Variants in ATP13A4 observed in about 807,000 individuals in gnomAD.
ATP13A4 encodes the protein ATPase 13A4, also known as probable cation-transporting ATPase 13A4.
Under a neutral mutation model 142.5 loss-of-function variants are expected in ATP13A4, and 114 were observed. The observed-to-expected ratio is 0.80, with a 90% CI of 0.69 to 0.93. The LOEUF is 0.93. Ranked by LOEUF, ATP13A4 falls within the 40% of genes least tolerant of loss-of-function variation. The pLI, the probability that ATP13A4 is intolerant of heterozygous loss-of-function variation, is 0.00. For missense variants in ATP13A4, 1,392 were observed against 1,454.0 expected (o/e 0.96, Z 0.69); for synonymous variants, 488 against 514.8 (o/e 0.95, Z 0.70).
chr3:193,547,006 G>A (rs151060486), intron 1 of ATP13A4, among the ~76,000 whole-genome samples: 75 of 152,270 alleles, frequency 4.9e-4, no homozygotes, highest in African/African-American at 1.8e-3. Flanking sequence ...TTCCTTTGGG[G>A]ATTAAATGGC....
At chr3:193,476,460 C>A (rs1391865334) in intron 8 of ATP13A4, among the ~76,000 whole-genome samples, 2 of 152,126 alleles carry the variant, frequency 1.3e-5, no homozygotes, top group Non-Finnish European at 2.9e-5. Context: ...ACCACTACAA[C>A]TTTCTCCGCA....
intron 1 of ATP13A4, among the ~76,000 whole-genome samples, chr3:193,518,007 C>T (rs1390205385): frequency 1.3e-5 from 2 of 152,172 alleles, no homozygotes; most frequent in Non-Finnish European, 2.9e-5. Context: ...AAGGAATGAC[C>T]TACAGTCTCA....
chr3:193,507,784 C>A (rs1003891879), intron 2 of ATP13A4, among the ~76,000 whole-genome samples: 1 of 152,022 alleles, frequency 6.6e-6, no homozygotes, highest in Non-Finnish European at 1.5e-5. Context: ...GCCTGCATGC[C>A]AAGCAGTCTT....
At chr3:193,563,199 C>T (rs1025007501) in intron 2 of ATP13A4, among the ~76,000 whole-genome samples, 1 of 152,060 alleles carries the variant, frequency 6.6e-6, no homozygotes, top group Admixed American at 6.5e-5. Context: ...TTATATTAAT[C>T]TTTCTTGTTT....
At position 193,502,368 on chromosome 3, in the gene ATP13A4, T is replaced by C; in HGVS notation, c.381+125A>G. On this transcript the variant is annotated intron_variant, in intron 3 of 29. Transcript: ENST00000342695. ...AGATTTGGACTGTCTGGCTCCAAAG[T>C]TCACATTTTAAATATACACTATCAA... 4 of 1,211,722 alleles carry C rather than the reference T, an allele frequency of 3.3e-6. No homozygotes were observed. The South Asian group carries it at 5.0e-5, about 15-fold the overall frequency. 75.1% of individuals were successfully genotyped at this position (1,211,722 alleles called of 1,614,324 possible).
chr3:193,591,320 G>A (rs1724766616), intron 1 of ATP13A4, among the ~76,000 whole-genome samples: 2 of 152,132 alleles, frequency 1.3e-5, no homozygotes, highest in Non-Finnish European at 1.5e-5. Context: ...GGCATAAGCC[G>A]CCATGCCCAG....
intron 3 of ATP13A4, 84 bp from the exon 4 acceptor site, chr3:193,493,244 T>C (rs942231641): frequency 1.7e-6 from 2 of 1,182,706 alleles, no homozygotes; most frequent in Admixed American, 3.8e-5. Flanking sequence ...AGCATTTGTT[T>C]GAAAAGCAAA....
chr3:193,555,969 A>G (rs281814), upstream of ATP13A4, among the ~76,000 whole-genome samples: 105,398 of 152,048 alleles, frequency 0.69, 36,700 homozygotes, highest in East Asian at 0.71. Context: ...TACATTGTAC[A>G]GCACTGATCA....
At chr3:193,489,674 T>G (rs1237991624) in intron 7 of ATP13A4, 56 bp downstream of exon 7, 15 of 1,556,438 alleles carry the variant, frequency 9.6e-6, no homozygotes, top group Non-Finnish European at 1.3e-5. Flanking sequence ...AACAAATTTT[T>G]AATAAAGTCA....
Position 193,440,560 on chromosome 3 carries a change from C to T in ATP13A4, c.2517G>A (p.Leu839=). 1 of 1,613,952 alleles carries T rather than the reference C, an allele frequency of 6.2e-7. No individual in the cohort carries two copies. Among genetic ancestry groups the T allele is most frequent in the Non-Finnish European group, 8.5e-7 (1 of 1,179,838 alleles). ...ACCTGCACTGGCAAAGAACCTACTCCAGTTTCTGAAATTCTTCCACCAGAC... is the reference window on the plus strand; with the variant it reads ...ACCTGCACTGGCAAAGAACCTACTCTAGTTTCTGAAATTCTTCCACCAGAC... ...KSSLVEEFQK[L]DYFVGMCGDG... Residue 839 remains leucine (L), a splice_region_variant and synonymous_variant, in exon 21 of 30, where the codon CTG becomes CTA. Coordinates refer to ENST00000342695, the MANE Select transcript of ATP13A4 (RefSeq NM_032279.4).
intron 1 of ATP13A4, among the ~76,000 whole-genome samples, chr3:193,548,899 A>G (rs936575628): frequency 1.3e-5 from 2 of 152,224 alleles, no homozygotes; most frequent in Non-Finnish European, 2.9e-5. Context: ...GTTACCCACT[A>G]CTGGTTGGTA....
At chr3:193,502,414 G>A (rs1720600294) in intron 3 of ATP13A4, 79 bp downstream of exon 3, 3 of 1,490,076 alleles carry the variant, frequency 2.0e-6, no homozygotes, top group Non-Finnish European at 2.8e-6. Context: ...GCACAGTAGA[G>A]GAGCTACATT....
intron 1 of ATP13A4, among the ~76,000 whole-genome samples, chr3:193,538,257 C>G (rs1464836453): frequency 6.6e-6 from 1 of 152,108 alleles, no homozygotes; most frequent in Admixed American, 6.5e-5. Flanking sequence ...GCCTAAGGAT[C>G]CATTGGCTCT....
intron 29 of ATP13A4, among the ~76,000 whole-genome samples, chr3:193,406,688 A>G (rs1714513620): frequency 1.3e-5 from 2 of 152,222 alleles, no homozygotes; most frequent in African/African-American, 4.8e-5. Flanking sequence ...GCTCACTATG[A>G]ATGTTATTTC....
rs115225841 is a variant in ATP13A4, at chr3:193,591,763, A to G, written n.91+1258T>C. The stretch of plus-strand genomic sequence containing the variant: ...ATGGTGGTTAGTTTCTCCTTTTTTT[A>G]TGGTTAAAGTCTTTTATCCCTAATT... On this transcript the variant is annotated intron_variant and non_coding_transcript_variant, in intron 1 of 3. Coordinates refer to the ATP13A4 transcript ENST00000489140. Among the ~76,000 whole-genome samples the G allele has an allele frequency of 5.8e-3, 877 of 152,170 alleles. 11 individuals carry two copies. Among genetic ancestry groups the G allele is most frequent in the African/African-American group, 0.02 (825 of 41,546 alleles).
chr3:193,447,031 G>GGC (rs1716995703), intron 18 of ATP13A4, among the ~76,000 whole-genome samples: 1 of 152,052 alleles, frequency 6.6e-6, no homozygotes, highest in Admixed American at 6.6e-5. Flanking sequence ...TCCATCCAAG[G>GGC]ACAATACTTC....
intron 25 of ATP13A4, among the ~76,000 whole-genome samples, chr3:193,427,620 C>T (rs1294643977): frequency 6.6e-6 from 1 of 152,150 alleles, no homozygotes; most frequent in African/African-American, 2.4e-5. Flanking sequence ...GAACAGAACC[C>T]TCAGAAAGAA....
chr3:193,516,649 C>T lies in ATP13A4; in HGVS notation c.61-1778G>A, dbSNP rs149100833. On this transcript the variant is annotated intron_variant, in intron 1 of 29. Coordinates refer to ENST00000342695, the MANE Select transcript of ATP13A4 (RefSeq NM_032279.4). ...TTTGGCATAGATCAATTTGTACCTT[C>T]CGACTCAGCCATTTTTTCATCTTTT... 3.1e-3 allele frequency among the ~76,000 whole-genome samples: 473 copies of T among 152,274 alleles called. 1 individual carries two copies. Among genetic ancestry groups the T allele is most frequent in the African/African-American group, 0.011 (460 of 41,560 alleles).
At chr3:193,546,103 A>C (rs1469515843) in intron 1 of ATP13A4, among the ~76,000 whole-genome samples, 1 of 151,696 alleles carries the variant, frequency 6.6e-6, no homozygotes, top group East Asian at 1.9e-4. Context: ...AACTGGCCCA[A>C]TTGTCTCATA....
Sources: gnomAD v4.1 joint callset for allele counts (sites outside exome capture counted in the v4.1 genomes callset) on GRCh38, gnomAD v4.1.1 for gene constraint, MANE v1.5 for transcripts, NCBI Gene and HGNC (gene_info 2026-07-23, HGNC 2026-07-21) for gene names.